The following ADAP1 variants were observed in gnomAD, a reference collection of about 807,000 sequenced individuals.
The protein encoded by ADAP1 is arf-GAP with dual PH domain-containing protein 1.
In ADAP1, 31 loss-of-function variants were observed where a neutral mutation model predicts 54.9. The observed-to-expected ratio is 0.56, with a 90% CI of 0.42 to 0.76. ADAP1 has a LOEUF of 0.76. ADAP1 is among the 30% of genes least tolerant of loss of function. The pLI, the probability that ADAP1 is intolerant of heterozygous loss-of-function variation, is 0.00. For synonymous variants in ADAP1, 313 were observed against 202.6 expected (o/e 1.55, Z -4.63); for missense variants, 535 against 512.4 (o/e 1.04, Z -0.42).
Position 946,657 on chromosome 7 carries a change from G to C in ADAP1, c.82+7739C>G, listed in dbSNP as rs1035125991. 1.4e-5 allele frequency among the ~76,000 whole-genome samples: 2 copies of C among 139,570 alleles called. No homozygotes were observed. Among genetic ancestry groups the C allele is most frequent in the Non-Finnish European group, 3.1e-5 (2 of 64,950 alleles). The allele number at this position is 139,570 out of a possible 152,430, so 91.6% of individuals were successfully genotyped here. A position where few individuals can be genotyped will look rare whatever the true frequency, so the allele number is the denominator to read the frequency against. The stretch of plus-strand genomic sequence containing the variant: ...GTCCTCCCTGGACCCACCCTGTCCC[G>C]GAGCCCACTCTCTGGGGCCCCCACC... On this transcript the variant is annotated intron_variant, in intron 1 of 10. Transcript: ENST00000265846. The surrounding 1 kb of genome is among the most constrained non-coding windows in gnomAD (Gnocchi z 4.3).
At chr7:914,038 G>C (rs1845832540) in intron 4 of ADAP1, among the ~76,000 whole-genome samples, 3 of 152,248 alleles carry the variant, frequency 2.0e-5, no homozygotes, top group South Asian at 2.1e-4. Flanking sequence ...ATGGTCCTGG[G>C]TGGCGTGGCC....
chr7:928,846 C>G (rs1432137763), intron 2 of ADAP1, among the ~76,000 whole-genome samples: 1 of 152,188 alleles, frequency 6.6e-6, no homozygotes, highest in Non-Finnish European at 1.5e-5. Context: ...TCCTCTGCAC[C>G]GTAAGAGACG....
At chr7:907,893 G>A (rs910185777) in intron 4 of ADAP1, among the ~76,000 whole-genome samples, 6 of 152,054 alleles carry the variant, frequency 3.9e-5, no homozygotes, top group East Asian at 1.9e-4. Context: ...CGGAGGTCGC[G>A]GGGCCGTCTG....
chr7:935,884 G>A (rs1177508229), intron 1 of ADAP1, among the ~76,000 whole-genome samples: 8 of 152,224 alleles, frequency 5.3e-5, no homozygotes, highest in African/African-American at 1.9e-4. Context: ...TGCCCTGGGA[G>A]AAGTCTGTGG....
At chr7:935,534 G>C (rs1483147707) in intron 1 of ADAP1, 29 bp from the exon 2 acceptor site, 3 of 1,555,334 alleles carry the variant, frequency 1.9e-6, no homozygotes, top group African/African-American at 2.7e-5. Flanking sequence ...CGTTCACGGA[G>C]GCTCAGCCCA....
chr7:935,212 C>T (rs371979545), intron 2 of ADAP1, 163 bp downstream of exon 2: 6 of 989,756 alleles, frequency 6.1e-6, no homozygotes, highest in South Asian at 1.4e-5. Context: ...CAGGCGGAGC[C>T]GCTGGAGAGG....
At chr7:931,973 G>A (rs1393159538) in intron 2 of ADAP1, among the ~76,000 whole-genome samples, 38 of 152,134 alleles carry the variant, frequency 2.5e-4, no homozygotes, top group Admixed American at 2.5e-3. Flanking sequence ...AGTGCAGGGA[G>A]CCAGGGGGGG....
chr7:921,835 G>T (rs1035393204), intron 3 of ADAP1, among the ~76,000 whole-genome samples: 11 of 152,204 alleles, frequency 7.2e-5, no homozygotes, highest in African/African-American at 2.7e-4. Flanking sequence ...GCCTGTGGAT[G>T]AGAGGCAGGT....
At chr7:904,032 C>G in intron 6 of ADAP1, 94 bp downstream of exon 6, 1 of 1,544,374 alleles carries the variant, frequency 6.5e-7, no homozygotes, top group Non-Finnish European at 8.8e-7. Flanking sequence ...TGCCTACCCT[C>G]CCGTACCGTC....
At chr7:907,026 G>A (rs1225983040) in intron 4 of ADAP1, among the ~76,000 whole-genome samples, 1 of 152,100 alleles carries the variant, frequency 6.6e-6, no homozygotes, top group African/African-American at 2.4e-5. Context: ...ACCTCGTGCT[G>A]CCCGGGAGGA....
At chr7:941,257 A>G (rs751920719) in intron 1 of ADAP1, among the ~76,000 whole-genome samples, 1 of 152,242 alleles carries the variant, frequency 6.6e-6, no homozygotes, top group Non-Finnish European at 1.5e-5. Context: ...ACAGGACAAG[A>G]ATGTCTGTTC....
chr7:927,255 C>A (rs935385729), intron 2 of ADAP1: 1 of 1,247,930 alleles, frequency 8.0e-7, no homozygotes, highest in Admixed American at 2.7e-5. Flanking sequence ...AGGAGGCTGT[C>A]GTTCCAGGAG....
intron 4 of ADAP1, among the ~76,000 whole-genome samples, chr7:912,087 C>T (rs1217320163): frequency 6.6e-6 from 1 of 152,232 alleles, no homozygotes; most frequent in Non-Finnish European, 1.5e-5. Flanking sequence ...GTGCACAGCC[C>T]CAGCCCCCTC....
At chr7:904,989 C>T (rs948594064) in intron 5 of ADAP1, 71 bp downstream of exon 5, 9 of 1,369,978 alleles carry the variant, frequency 6.6e-6, no homozygotes, top group African/African-American at 1.4e-5. Context: ...GCGGCCACCA[C>T]AGGCCCCAGT....
intron 4 of ADAP1, among the ~76,000 whole-genome samples, chr7:906,358 AG>A (rs143679454): frequency 0.02 from 65 of 3,216 alleles, 20 homozygotes; most frequent in African/African-American, 0.033. Context: ...GAAAGGAGAA[AG>A]GGAGAAAGAG....
chr7:930,155 T>G (rs1035965634), intron 2 of ADAP1, among the ~76,000 whole-genome samples: 5 of 145,354 alleles, frequency 3.4e-5, no homozygotes, highest in African/African-American at 1.3e-4. Context: ...CCTATTTATG[T>G]ATGCTATAGA....
intron 2 of ADAP1, among the ~76,000 whole-genome samples, chr7:927,949 C>G (rs926605284): frequency 5.3e-5 from 8 of 151,848 alleles, no homozygotes; most frequent in African/African-American, 1.9e-4. Context: ...GGGACAGGGG[C>G]TCACATCTGT....
chr7:928,913 G>A (rs901435064), intron 2 of ADAP1, among the ~76,000 whole-genome samples: 2 of 152,238 alleles, frequency 1.3e-5, no homozygotes, highest in Non-Finnish European at 2.9e-5. Context: ...TGACAGCTGA[G>A]AACGGGAACA....
chr7:900,307 T>C (rs1331125836), intron 7 of ADAP1, 143 bp from the exon 8 acceptor site: 2 of 1,085,856 alleles, frequency 1.8e-6, no homozygotes, highest in Non-Finnish European at 2.7e-6. Flanking sequence ...GGATCCACAT[T>C]TCTGCCTCTG....
Sources: allele counts gnomAD v4.1 joint callset (sites outside exome capture counted in the v4.1 genomes callset), GRCh38; gene constraint gnomAD v4.1.1; non-coding constraint Gnocchi (gnomAD v3.1); transcripts MANE v1.5; gene names NCBI Gene and HGNC (gene_info 2026-07-23, HGNC 2026-07-21).